Variants in SUMF2 observed in about 807,000 individuals in gnomAD.
SUMF2 encodes sulfatase modifying factor 2.
A neutral mutation model predicts 44.8 loss-of-function variants in SUMF2; 45 were observed. That is an observed-to-expected ratio of 1.00 (90% CI 0.79 to 1.29). The LOEUF (loss-of-function observed/expected upper bound fraction) is 1.29, where lower values mean the gene tolerates loss of function less well. Among genes scored for constraint, SUMF2 ranks in the 50% most tolerant of loss-of-function variants. SUMF2 has a pLI of 0.00. For missense variants in SUMF2, 418 were observed against 389.9 expected, an observed-to-expected ratio of 1.07 and a Z score of -0.61; for synonymous variants, 148 against 150.4, an observed-to-expected ratio of 0.98 and a Z score of 0.12.
At chr7:56,084,012 T>C, downstream of SUMF2, 3 of 620,808 alleles carry the variant, frequency 4.8e-6, no homozygotes, top group South Asian at 5.8e-5. Flanking sequence ...GAAAAATTTT[T>C]CCCACCATTT....
rs200391050 is a variant in SUMF2, at chr7:56,079,493, A to G, written c.822-35A>G. 160 of 1,588,670 alleles carry G rather than the reference A, an allele frequency of 1.0e-4. No individual in the cohort carries two copies. The Middle Eastern group carries it at 1.4e-3, about 13-fold the overall frequency. ...GTAAGCCCTAGGCCTTTTTCTCAGG[A>G]CGTGTCTGTCCTCTCTCCCCTTCTC... On this transcript the variant is annotated intron_variant, in intron 8 of 8. Transcript: ENST00000434526.
intron 8 of SUMF2, among the ~76,000 whole-genome samples, 197 bp downstream of exon 8, chr7:56,078,705 ACC>A (rs928636125): frequency 1.3e-5 from 2 of 152,080 alleles, no homozygotes; most frequent in African/African-American, 4.8e-5. Flanking sequence ...AAGCAAAGGG[ACC>A]CAGGACACCT....
At chr7:56,081,683 G>A, downstream of SUMF2, 1 of 1,613,942 alleles carries the variant, frequency 6.2e-7, no homozygotes, top group South Asian at 1.1e-5. The surrounding 1 kb of genome is among the most constrained non-coding windows in gnomAD (Gnocchi z 4.6). Context: ...AAGTACTGCT[G>A]GAAGAAGGGG....
chr7:56,072,460 C>T (rs1028947633), intron 2 of SUMF2, among the ~76,000 whole-genome samples: 7 of 150,344 alleles, frequency 4.7e-5, no homozygotes, highest in African/African-American at 1.7e-4. Flanking sequence ...TGTGGTGGCT[C>T]ACGCCTGTAA....
Position 56,074,573 on chromosome 7 carries a change from T to A in SUMF2, c.385-13T>A. ...GCTCCCGGAAGCCTGTCTCACTTAA[T>A]CCTGGCTGTCAGCCTGCAGGTCCTG... On this transcript the variant is annotated splice_polypyrimidine_tract_variant and intron_variant, in intron 4 of 8. Coordinates refer to ENST00000434526, the MANE Select transcript of SUMF2 (RefSeq NM_015411.4). The A allele has an allele frequency of 6.2e-7, 1 of 1,613,682 alleles. No homozygotes were observed. The highest frequency in any genetic ancestry group is 8.5e-7 in the Non-Finnish European group (1 of 1,179,722).
downstream of SUMF2, among the ~76,000 whole-genome samples, chr7:56,082,748 G>A (rs1326688153): frequency 6.6e-6 from 1 of 152,154 alleles, no homozygotes; most frequent in Non-Finnish European, 1.5e-5. Context: ...TGCTTCCCTG[G>A]TCACTTCTAG....
chr7:56,078,553 G>A (rs777591967), intron 8 of SUMF2, 45 bp downstream of exon 8: 5 of 1,502,268 alleles, frequency 3.3e-6, no homozygotes, highest in Admixed American at 2.3e-5. Context: ...GTAGCTGGGG[G>A]CTGATGTCTG....
chr7:56,086,865 T>A, the SUMF2 span: 61 of 871,796 alleles, frequency 7.0e-5, no homozygotes, highest in East Asian at 3.1e-4. Context: ...TTTGGCATCC[T>A]CAGCGCAGGA....
At chr7:56,077,449 G>A (rs1433283230) in intron 6 of SUMF2, among the ~76,000 whole-genome samples, 2 of 150,426 alleles carry the variant, frequency 1.3e-5, no homozygotes, top group Non-Finnish European at 3.0e-5. Context: ...ATCACCTGAG[G>A]TCAGGAGTTC....
At chr7:56,087,922 A>C in the SUMF2 span, 55 of 637,058 alleles carry the variant, frequency 8.6e-5, no homozygotes, top group East Asian at 1.5e-3. Flanking sequence ...ATGGTGGATG[A>C]ATAAATACAG....
At chr7:56,068,031 CTT>C (rs565131237) in intron 1 of SUMF2, among the ~76,000 whole-genome samples, 1,958 of 110,208 alleles carry the variant, frequency 0.018, 7 homozygotes, top group Non-Finnish European at 0.024. Context: ...TTTTTTCTTT[CTT>C]TTTTTTTTTT....
At chr7:56,074,792 G>A in intron 5 of SUMF2, 56 bp downstream of exon 5, 1 of 1,606,068 alleles carries the variant, frequency 6.2e-7, no homozygotes, top group Non-Finnish European at 8.5e-7. Context: ...TGCCCAGCAT[G>A]AGGGGCTTTA....
downstream of SUMF2, among the ~76,000 whole-genome samples, chr7:56,084,750 T>C (rs1796183930): frequency 6.6e-6 from 1 of 151,758 alleles, no homozygotes; most frequent in African/African-American, 2.4e-5. Context: ...GTTTGCCAAT[T>C]ACAGGATTAA....
In SUMF2 at chr7:56,079,565, G is replaced by T. The variant is rs746072757; in HGVS notation, c.859G>T (p.Gly287Cys). ...NTPDSASDNL[G>C]FRCAADAGRP... ...TCCAGATTCAGCCTCAGACAACCTC[G>T]GTTTCCGCTGTGCTGCAGACGCAGG... Residue 287 changes from glycine (G) to cysteine (C), a missense_variant, in exon 9 of 9, where the codon GGT (glycine) becomes TGT (cysteine). Gly to Cys is a radical substitution (Grantham distance 159). Coordinates refer to ENST00000434526, the MANE Select transcript of SUMF2 (RefSeq NM_015411.4). 6.2e-7 allele frequency: 1 copy of T among 1,613,954 alleles called. No homozygotes were observed. The highest frequency in any genetic ancestry group is 1.3e-5 in the African/African-American group (1 of 74,944).
chr7:56,081,730 G>A (rs775103638), downstream of SUMF2: 36 of 1,613,810 alleles, frequency 2.2e-5, 1 homozygote, highest in South Asian at 3.5e-4. This position sits in a 1 kb window ranked among gnomAD's most constrained non-coding sequence, Gnocchi z 4.6. Context: ...GCGGTTCTGG[G>A]GTTGCACCAC....
rs559377639 is a variant in SUMF2, at chr7:56,079,575, G to A, written c.869G>A (p.Cys290Tyr). The change falls in exon 9 of 9, where the codon TGT becomes TAT. Residue 290 changes from cysteine to tyrosine, a missense_variant. Physicochemically the swap from Cys to Tyr is radical, Grantham distance 194 (BLOSUM62 -2). Transcript: ENST00000434526. Reference sequence around the variant, plus strand: ...GCCTCAGACAACCTCGGTTTCCGCTGTGCTGCAGACGCAGGCCGGCCGCCA... The same window carrying A: ...GCCTCAGACAACCTCGGTTTCCGCTATGCTGCAGACGCAGGCCGGCCGCCA... ...DSASDNLGFR[C>Y]AADAGRPPGE... The A allele has an allele frequency of 1.9e-6, 3 of 1,614,218 alleles. No homozygotes were observed. The East Asian group carries it at 6.7e-5, about 36-fold the overall frequency.
Position 56,074,639 on chromosome 7 carries a change from C to G in SUMF2, c.438C>G (p.His146Gln). ...AGAGACTGGAGCACCCAGTGTTACACGTGAGCTGGAATGACGCCCGTGCCT... is the reference window on the plus strand; with the variant it reads ...AGAGACTGGAGCACCCAGTGTTACAGGTGAGCTGGAATGACGCCCGTGCCT... ...IRERLEHPVL[H>Q]VSWNDARAYC... is the part of the protein sequence containing the mutation. The change falls in exon 5 of 9, where the codon CAC becomes CAG. Residue 146 changes from histidine (H) to glutamine (Q), a missense_variant. Physicochemically the swap from His to Gln is conservative, Grantham distance 24. Coordinates refer to ENST00000434526, the MANE Select transcript of SUMF2 (RefSeq NM_015411.4). 6.2e-7 allele frequency: 1 copy of G among 1,614,170 alleles called. No individual in the cohort carries two copies. The highest frequency in any genetic ancestry group is 8.5e-7 in the Non-Finnish European group (1 of 1,180,028).
intron 1 of SUMF2, among the ~76,000 whole-genome samples, chr7:56,065,832 C>G (rs557236899): frequency 4.1e-4 from 63 of 152,078 alleles, no homozygotes; most frequent in Non-Finnish European, 7.6e-4. Context: ...CTTGAAATCC[C>G]AGCACTTTAA....
chr7:56,066,097 A>C (rs1298958389), intron 1 of SUMF2, among the ~76,000 whole-genome samples: 1 of 151,330 alleles, frequency 6.6e-6, no homozygotes, highest in African/African-American at 2.4e-5. Flanking sequence ...AAAAAAAAAA[A>C]AAAAAAAATC....
Sources: gnomAD v4.1 joint callset for allele counts (sites outside exome capture counted in the v4.1 genomes callset) on GRCh38, gnomAD v4.1.1 for gene constraint, Gnocchi (gnomAD v3.1) non-coding constraint, MANE v1.5 for transcripts, NCBI Gene and HGNC (gene_info 2026-07-23, HGNC 2026-07-21) for gene names.